CLK2: variants seen among roughly 807,000 people sequenced by gnomAD.
The protein encoded by CLK2 is CDC like kinase 2, also known as dual specificity protein kinase CLK2.
In CLK2, 12 loss-of-function variants were observed where a neutral mutation model predicts 73.5. That is an observed-to-expected ratio of 0.16 (90% confidence interval 0.10 to 0.26). The LOEUF (loss-of-function observed/expected upper bound fraction) is 0.26, where lower values mean the gene tolerates loss of function less well. Among genes scored for constraint, CLK2 ranks in the 10% least tolerant of loss-of-function variants. The pLI is 1.00. For missense variants in CLK2, 509 were observed against 688.4 expected (o/e 0.74, Z 2.92); for synonymous variants, 232 against 237.9 (o/e 0.98, Z 0.23).
At chr1:155,267,429 C>T (rs1037152891) in intron 6 of CLK2, among the ~76,000 whole-genome samples, 1 of 152,096 alleles carries the variant, frequency 6.6e-6, no homozygotes, top group Admixed American at 6.5e-5. Context: ...TTAAATAGTT[C>T]AAAAACTATT....
rs568519784 is a variant in CLK2, at chr1:155,267,813, C to G, written c.671+197G>C. Reference sequence around the variant, plus strand: ...CAGAGCAATCTAACTTCCCTGAAAACAAGGGGAGTGGATTAAGGAATGTCA... The same window carrying G: ...CAGAGCAATCTAACTTCCCTGAAAAGAAGGGGAGTGGATTAAGGAATGTCA... On this transcript the variant is annotated intron_variant, in intron 6 of 12. Coordinates refer to ENST00000368361, the MANE Select transcript of CLK2 (RefSeq NM_001294338.2). Among the ~76,000 whole-genome samples the G allele has an allele frequency of 2.1e-4, 32 of 152,226 alleles. 1 individual carries two copies. Among genetic ancestry groups the G allele is most frequent in the African/African-American group, 7.0e-4 (29 of 41,506 alleles).
intron 6 of CLK2, 145 bp from the exon 7 acceptor site, chr1:155,267,040 C>T: frequency 5.7e-6 from 5 of 869,924 alleles, no homozygotes; most frequent in Non-Finnish European, 8.7e-6. Flanking sequence ...AAATTCAGTT[C>T]AGCTAAGGAG....
chr1:155,265,300 C>T (rs1673175038), intron 8 of CLK2, among the ~76,000 whole-genome samples: 1 of 152,146 alleles, frequency 6.6e-6, no homozygotes, highest in African/African-American at 2.4e-5. Flanking sequence ...GGCACTGTGG[C>T]TCACACCCGT....
intron 3 of CLK2, 183 bp downstream of exon 3, chr1:155,269,305 T>A: frequency 1.6e-6 from 1 of 619,876 alleles, no homozygotes; most frequent in Non-Finnish European, 2.9e-6. Context: ...TGCCCATCCA[T>A]CTCCAAAGCA....
At chr1:155,271,250 A>T (rs975092264) in intron 1 of CLK2, among the ~76,000 whole-genome samples, 2 of 152,114 alleles carry the variant, frequency 1.3e-5, no homozygotes, top group Non-Finnish European at 2.9e-5. Context: ...TTCTTGAGAC[A>T]GAGTCTCGCT....
At position 155,264,790 on chromosome 1, in the gene CLK2, A is replaced by G. The variant is rs1330843023; in HGVS notation, c.934-16T>C. ...CATCTCGCTTCTAGGAGCAGAGGAG[A>G]AAGAGGATGAACCTCTGCACCCAGA... On this transcript the variant is annotated splice_polypyrimidine_tract_variant and intron_variant, in intron 8 of 12. Coordinates refer to ENST00000368361, the MANE Select transcript of CLK2 (RefSeq NM_001294338.2). The G allele has an allele frequency of 1.2e-6, 2 of 1,613,510 alleles. No homozygotes were observed. The highest frequency in any genetic ancestry group is 8.5e-7 in the Non-Finnish European group (1 of 1,179,600).
intron 1 of CLK2, 122 bp from the exon 2 acceptor site, chr1:155,271,099 G>T: frequency 1.0e-6 from 1 of 975,164 alleles, no homozygotes. Flanking sequence ...TTTTTACCAG[G>T]CACAACTTCC....
chr1:155,264,364 GA>G, intron 10 of CLK2, 64 bp from the exon 11 acceptor site: 1 of 1,602,984 alleles, frequency 6.2e-7, no homozygotes, highest in Non-Finnish European at 8.5e-7. Flanking sequence ...CAGCTGCCAG[GA>G]AGGCAGGCAA....
intron 7 of CLK2, among the ~76,000 whole-genome samples, 169 bp from the exon 8 acceptor site, chr1:155,266,123 C>A (rs1673220999): frequency 3.3e-5 from 5 of 151,826 alleles, no homozygotes; most frequent in African/African-American, 1.2e-4. Flanking sequence ...CTAAGAAGCT[C>A]TGCTCTTTCT....
At position 155,266,823 on chromosome 1, in the gene CLK2, A is replaced by T. The variant is rs374382130; in HGVS notation, c.744T>A (p.Leu248=). The change falls in exon 7 of 13, where the codon CTT becomes CTA. Residue 248 remains leucine, a synonymous_variant. Coordinates refer to ENST00000368361, the MANE Select transcript of CLK2 (RefSeq NM_001294338.2). ...TGTCTTTGAGGAAATCGAAGGTGCTAAGGCCCAGAAGCTCAAAGGAGATAC... is the reference window on the plus strand; with the variant it reads ...TGTCTTTGAGGAAATCGAAGGTGCTTAGGCCCAGAAGCTCAAAGGAGATAC... ...HMCISFELLG[L]STFDFLKDNN... is the part of the protein sequence containing the mutation. 59 of 1,613,284 alleles carry T rather than the reference A, an allele frequency of 3.7e-5. No individual in the cohort carries two copies. Among genetic ancestry groups the T allele is most frequent in the Non-Finnish European group, 5.0e-5 (59 of 1,179,680 alleles).
chr1:155,272,016 G>GT (rs34906309), intron 1 of CLK2, among the ~76,000 whole-genome samples: 54,550 of 136,888 alleles, frequency 0.4, 11,681 homozygotes, highest in East Asian at 0.68. Flanking sequence ...TGTTTCTTGT[G>GT]TTTTTTTTTT....
intron 3 of CLK2, 108 bp downstream of exon 3, chr1:155,269,380 G>T: frequency 1.0e-6 from 1 of 974,554 alleles, no homozygotes; most frequent in East Asian, 2.5e-5. Flanking sequence ...GCCCACCTCA[G>T]TGTTCATGCC....
rs771757999 is a variant in CLK2, at chr1:155,269,651, C to T, written c.236G>A (p.Arg79His). ...YDRRYCGSYR[R>H]NDYSRDRGDA... ...TCCCCGATCCCGGCTATAATCGTTG[C>T]GTCTGTAGCTGCCACAGTATCGCCG... is the stretch of plus-strand genomic sequence containing the variant. Residue 79 changes from arginine to histidine, a missense_variant, in exon 3 of 13, where the codon CGC (arginine) becomes CAC (histidine). Arg to His is a conservative substitution (Grantham distance 29, BLOSUM62 0). Coordinates refer to ENST00000368361, the MANE Select transcript of CLK2 (RefSeq NM_001294338.2). 15 of 1,614,096 alleles carry T rather than the reference C, an allele frequency of 9.3e-6. No individual in the cohort carries two copies. Among genetic ancestry groups the T allele is most frequent in the African/African-American group, 2.7e-5 (2 of 74,930 alleles).
intron 3 of CLK2, chr1:155,269,139 C>T: frequency 1.7e-6 from 1 of 573,604 alleles, no homozygotes; most frequent in Non-Finnish European, 3.1e-6. Flanking sequence ...CCAAGCCCGC[C>T]TGCCAAGGGG....
intron 8 of CLK2, among the ~76,000 whole-genome samples, chr1:155,265,202 C>G (rs2148133084): frequency 6.6e-6 from 1 of 152,252 alleles, no homozygotes; most frequent in South Asian, 2.1e-4. Flanking sequence ...TTCTTTAGGT[C>G]TGAGATCTCC....
chr1:155,270,252 T>A (rs1297216637), intron 2 of CLK2, among the ~76,000 whole-genome samples: 2 of 151,252 alleles, frequency 1.3e-5, no homozygotes, highest in East Asian at 3.9e-4. Flanking sequence ...ATGCCTGTAG[T>A]CCCAGGTACT....
rs1291657972 is a variant in CLK2 at position 155,273,412 on chromosome 1, C to G, written c.-212G>C. On this transcript the variant is annotated 5_prime_UTR_variant, in exon 1 of 13. Transcript: ENST00000368361. ...CCCCTAAGATCTGCTTGGCGCCGCT[C>G]GCACCGCCCCCGCCCGGGGCCCGAT... 7 of 152,622 alleles carry G rather than the reference C, an allele frequency of 4.6e-5. No homozygotes were observed. The highest frequency in any genetic ancestry group is 1.7e-4 in the African/African-American group (7 of 41,482). The allele number at this position is 152,622 out of a possible 1,614,324, so 9.5% of individuals were successfully genotyped here.
At position 155,264,489 on chromosome 1, in the gene CLK2, A is replaced by G; in HGVS notation, c.1125T>C (p.Tyr375=). 1 of 1,614,076 alleles carries G rather than the reference A, an allele frequency of 6.2e-7. No homozygotes were observed. The highest frequency in any genetic ancestry group is 8.5e-7 in the Non-Finnish European group (1 of 1,179,898). The part of the protein sequence containing the change: ...WSIGCIIFEY[Y]VGFTLFQTHD... ...TTACCTGGAAGAGGGTGAATCCCAC[A>G]TAGTATTCAAAGATGATGCAGCCTA... Residue 375 remains tyrosine (Y), a synonymous_variant, in exon 10 of 13, where the codon TAT becomes TAC. Transcript: ENST00000368361.
At chr1:155,267,972 G>C in intron 6 of CLK2, 38 bp downstream of exon 6, 1 of 1,453,204 alleles carries the variant, frequency 6.9e-7, no homozygotes, top group Non-Finnish European at 9.7e-7. Context: ...TAGGGGTTGG[G>C]GCTCTCAGCC....
Sources: gnomAD v4.1 joint callset for allele counts (sites outside exome capture counted in the v4.1 genomes callset) on GRCh38, gnomAD v4.1.1 for gene constraint, MANE v1.5 for transcripts, NCBI Gene and HGNC (gene_info 2026-07-23, HGNC 2026-07-21) for gene names.